The following UBE2H variants were observed in gnomAD, a reference collection of about 807,000 sequenced individuals.
UBE2H encodes the protein ubiquitin-conjugating enzyme E2 H.
UBE2H carries 3 observed loss-of-function variants against 29.0 expected under a neutral mutation model. The observed-to-expected ratio is 0.10, with a 90% confidence interval of 0.05 to 0.27. The LOEUF (loss-of-function observed/expected upper bound fraction) is 0.27. UBE2H is among the 10% of genes least tolerant of loss of function. The pLI, the probability that UBE2H is intolerant of heterozygous loss-of-function variation, is 1.00. For synonymous variants in UBE2H, 69 were observed against 82.9 expected (o/e 0.83, Z 0.91); for missense variants, 68 against 228.2 (o/e 0.30, Z 4.52).
intron 1 of UBE2H, among the ~76,000 whole-genome samples, chr7:129,891,193 A>AT (rs1190638924): frequency 8.1e-5 from 12 of 149,006 alleles, no homozygotes; most frequent in African/African-American, 1.5e-4. Context: ...TTAATTTTTT[A>AT]TTTTTTTTTG....
intron 3 of UBE2H, among the ~76,000 whole-genome samples, chr7:129,861,650 G>A (rs1264190776): frequency 6.6e-6 from 1 of 152,200 alleles, no homozygotes; most frequent in Non-Finnish European, 1.5e-5. Context: ...CCAACACTTT[G>A]GGATGCTAAG....
chr7:129,924,015 G>A (rs1169452526), intron 1 of UBE2H, among the ~76,000 whole-genome samples: 1 of 152,148 alleles, frequency 6.6e-6, no homozygotes, highest in Non-Finnish European at 1.5e-5. Flanking sequence ...GACCTCAGCA[G>A]GGCAAACAAA....
intron 1 of UBE2H, among the ~76,000 whole-genome samples, chr7:129,893,211 T>C (rs1241807986): frequency 1.1e-4 from 16 of 152,202 alleles, no homozygotes; most frequent in Non-Finnish European, 7.3e-5. Context: ...GAAATTTTTC[T>C]TCTCTAGTGT....
chr7:129,902,369 C>T (rs1304414168), intron 1 of UBE2H, among the ~76,000 whole-genome samples: 2 of 152,180 alleles, frequency 1.3e-5, no homozygotes, highest in Non-Finnish European at 2.9e-5. Context: ...GGCATGGTGG[C>T]AGGCAGCTGC....
At chr7:129,919,211 T>C (rs945285184) in intron 1 of UBE2H, among the ~76,000 whole-genome samples, 3 of 149,632 alleles carry the variant, frequency 2.0e-5, no homozygotes, top group African/African-American at 7.4e-5. Flanking sequence ...AAAGGAAATA[T>C]AATAATTTCT....
At chr7:129,851,746 T>C (rs372365833) in intron 5 of UBE2H, among the ~76,000 whole-genome samples, 1 of 151,972 alleles carries the variant, frequency 6.6e-6, no homozygotes, top group Non-Finnish European at 1.5e-5. Flanking sequence ...CACCAGTGAG[T>C]GTGGTATTTT....
In UBE2H at chr7:129,883,767, G is replaced by A. The variant is rs1442189342; in HGVS notation, c.54-2796C>T. Among the ~76,000 whole-genome samples, 4 of 152,148 alleles carry A rather than the reference G, an allele frequency of 2.6e-5. No homozygotes were observed. The East Asian group carries it at 5.8e-4, about 22-fold the overall frequency. On this transcript the variant is annotated intron_variant, in intron 1 of 6. Transcript: ENST00000355621. ...TGAAGCAGGAGAATCGCTTGAATCC[G>A]GAAGGCAGAAGTTGCAGTGAGCTGA...
At chr7:129,949,421 G>GT (rs143376058) in intron 1 of UBE2H, among the ~76,000 whole-genome samples, 19,776 of 152,062 alleles carry the variant, frequency 0.13, 1,607 homozygotes, top group East Asian at 0.31. Flanking sequence ...TAACTGCAAG[G>GT]TTTTTTTACT....
intron 1 of UBE2H, among the ~76,000 whole-genome samples, chr7:129,950,940 C>CT (rs1219109425): frequency 6.6e-6 from 1 of 152,142 alleles, no homozygotes; most frequent in East Asian, 1.9e-4. Context: ...GTACACTATA[C>CT]TTTATTAGTT....
intron 5 of UBE2H, among the ~76,000 whole-genome samples, chr7:129,848,183 G>T (rs547735618): frequency 6.6e-6 from 1 of 152,002 alleles, no homozygotes; most frequent in African/African-American, 2.4e-5. Flanking sequence ...AGATCACGCT[G>T]CTGCACTCCA....
chr7:129,880,310 C>T (rs1484783713), intron 2 of UBE2H, among the ~76,000 whole-genome samples: 2 of 152,132 alleles, frequency 1.3e-5, no homozygotes, highest in African/African-American at 4.8e-5. Flanking sequence ...AGTGCGAGAC[C>T]AGCCTGGCCA....
intron 1 of UBE2H, among the ~76,000 whole-genome samples, chr7:129,913,472 C>G (rs1053519168): frequency 6.6e-6 from 1 of 152,130 alleles, no homozygotes; most frequent in Non-Finnish European, 1.5e-5. Context: ...AGAAGAGCCA[C>G]ACAGCAGAGA....
At chr7:129,838,781 G>A (rs555057270) in intron 6 of UBE2H, among the ~76,000 whole-genome samples, 5 of 152,242 alleles carry the variant, frequency 3.3e-5, no homozygotes, top group African/African-American at 9.6e-5. Flanking sequence ...TGGGACTACA[G>A]GCGCGTGCCA....
chr7:129,845,796 C>G (rs190670019), intron 5 of UBE2H, among the ~76,000 whole-genome samples: 3 of 152,218 alleles, frequency 2.0e-5, no homozygotes, highest in Non-Finnish European at 4.4e-5. Flanking sequence ...GCTCTTTGAC[C>G]TTGGGCAGGT....
chr7:129,891,888 A>AGTGT (rs35586367), intron 1 of UBE2H, among the ~76,000 whole-genome samples: 55 of 150,156 alleles, frequency 3.7e-4, no homozygotes, highest in African/African-American at 1.1e-3. Context: ...TTATAAATGT[A>AGTGT]GTGTGTGTGT....
At position 129,871,870 on chromosome 7, in the gene UBE2H, G is replaced by A. The variant is rs897176795; in HGVS notation, c.205+7698C>T. ...CCCAAAATTCATTTTATTTGAGACG[G>A]AGTCTCACTCTTGTCGCCCAGGCTG... On this transcript the variant is annotated intron_variant, in intron 3 of 6. Coordinates refer to ENST00000355621, the MANE Select transcript of UBE2H (RefSeq NM_003344.4). Among the ~76,000 whole-genome samples the A allele has an allele frequency of 7.2e-5, 11 of 152,262 alleles. No homozygotes were observed. The East Asian group carries it at 2.1e-3, about 29-fold the overall frequency.
rs564162942 is a variant in UBE2H at position 129,836,528 on chromosome 7, C to G, written c.428-1467G>C. 1.3e-4 allele frequency among the ~76,000 whole-genome samples: 20 copies of G among 152,328 alleles called. No individual in the cohort carries two copies. In the South Asian group the frequency reaches 3.7e-3, roughly 28 times the overall value. ...AGCTATGGCATAGGAGAGGCCACTC[C>G]AGGGAAAGGCTTTGTTTTGTTGAAA... On this transcript the variant is annotated intron_variant, in intron 6 of 6. Transcript: ENST00000355621.
chr7:129,948,138 G>T (rs1807801934), intron 1 of UBE2H, among the ~76,000 whole-genome samples: 2 of 151,950 alleles, frequency 1.3e-5, no homozygotes, highest in Non-Finnish European at 2.9e-5. Flanking sequence ...GGGATTACAG[G>T]CATAAGCCAC....
At chr7:129,919,613 G>T (rs193061013) in intron 1 of UBE2H, among the ~76,000 whole-genome samples, 117 of 152,240 alleles carry the variant, frequency 7.7e-4, no homozygotes, top group African/African-American at 2.6e-3. Context: ...TCAAGACCAA[G>T]GTCAAACTTC....
Sources: allele counts gnomAD v4.1 joint callset (sites outside exome capture counted in the v4.1 genomes callset), GRCh38; gene constraint gnomAD v4.1.1; transcripts MANE v1.5; gene names NCBI Gene and HGNC (gene_info 2026-07-23, HGNC 2026-07-21).